The following MBOAT2 variants were observed in gnomAD, a reference collection of about 807,000 sequenced individuals.
MBOAT2 encodes membrane bound glycerophospholipid O-acyltransferase 2.
Under a neutral mutation model 63.4 loss-of-function variants are expected in MBOAT2, and 28 were observed. The ratio of observed to expected loss-of-function variants is 0.44; its 90% CI spans 0.33 to 0.61. The LOEUF (loss-of-function observed/expected upper bound fraction) is 0.61, where lower values mean the gene tolerates loss of function less well. Ranked by LOEUF, MBOAT2 falls within the 20% of genes least tolerant of loss-of-function variation. The probability of loss-of-function intolerance (pLI) is 0.03; values close to 1 mark genes in which losing one functional copy is unlikely to be tolerated. For synonymous variants in MBOAT2, 211 were observed against 215.6 expected (o/e 0.98, Z 0.19); for missense variants, 470 against 605.8 (o/e 0.78, Z 2.35).
At chr2:8,988,766 T>C (rs1332542721) in intron 1 of MBOAT2, among the ~76,000 whole-genome samples, 1 of 152,122 alleles carries the variant, frequency 6.6e-6, no homozygotes, top group Non-Finnish European at 1.5e-5. Context: ...ATTCTACACA[T>C]CCTGTGAGAA....
rs77126087 is a variant in MBOAT2, at chr2:8,932,666, G to T, written c.299+10521C>A. Among the ~76,000 whole-genome samples, 1,044 of 151,780 alleles carry T rather than the reference G, an allele frequency of 6.9e-3. 19 individuals carry two copies. The highest frequency in any genetic ancestry group is 0.024 in the African/African-American group (1,000 of 41,360). ...TTTGTGACCTTGATTTAATCTTCTGGAACCTCAGTGTCCCCATCTGTACAA... is the reference window on the plus strand; with the variant it reads ...TTTGTGACCTTGATTTAATCTTCTGTAACCTCAGTGTCCCCATCTGTACAA... On this transcript the variant is annotated intron_variant, in intron 3 of 12. Coordinates refer to ENST00000305997, the MANE Select transcript of MBOAT2 (RefSeq NM_138799.4).
intron 1 of MBOAT2, among the ~76,000 whole-genome samples, chr2:8,993,775 C>A (rs116420384): frequency 8.9e-4 from 135 of 152,322 alleles, no homozygotes; most frequent in African/African-American, 3.1e-3. Flanking sequence ...TACCCTGTGT[C>A]TTGTTCACCA....
intron 1 of MBOAT2, among the ~76,000 whole-genome samples, chr2:8,966,799 A>G (rs1455109839): frequency 2.0e-5 from 3 of 152,116 alleles, no homozygotes; most frequent in Non-Finnish European, 1.5e-5. Context: ...AAAATTCAGT[A>G]TTTTCTTACA....
intron 5 of MBOAT2, among the ~76,000 whole-genome samples, chr2:8,884,351 T>TA (rs923212439): frequency 2.1e-4 from 31 of 150,300 alleles, no homozygotes; most frequent in Middle Eastern, 6.8e-3. Context: ...AAAAAACACT[T>TA]AAAAAAAAAG....
intron 4 of MBOAT2, among the ~76,000 whole-genome samples, chr2:8,904,314 T>A (rs964944810): frequency 1.4e-4 from 20 of 141,064 alleles, no homozygotes; most frequent in African/African-American, 4.8e-4. Flanking sequence ...TTTTTATTTT[T>A]TATTTTTTTT....
At chr2:8,898,048 A>G (rs1664616334) in intron 4 of MBOAT2, among the ~76,000 whole-genome samples, 1 of 152,224 alleles carries the variant, frequency 6.6e-6, no homozygotes, top group Admixed American at 6.5e-5. Flanking sequence ...CAGTGAGGCC[A>G]ATCTTTTGCT....
At chr2:8,953,799 A>G (rs1324159321) in intron 2 of MBOAT2, among the ~76,000 whole-genome samples, 8 of 152,136 alleles carry the variant, frequency 5.3e-5, no homozygotes, top group Non-Finnish European at 1.0e-4. Context: ...TCTTTTACAG[A>G]TGTTTATCTC....
At chr2:8,999,891 T>G (rs1453394638) in intron 1 of MBOAT2, among the ~76,000 whole-genome samples, 2 of 152,234 alleles carry the variant, frequency 1.3e-5, no homozygotes, top group Admixed American at 6.5e-5. Flanking sequence ...TATGGCTACC[T>G]AAATTCCAAT....
chr2:8,910,186 AC>A (rs1040487896), intron 3 of MBOAT2, among the ~76,000 whole-genome samples: 1 of 152,132 alleles, frequency 6.6e-6, no homozygotes, highest in African/African-American at 2.4e-5. Flanking sequence ...GAGAGAAAGA[AC>A]AAGAGAGAAA....
Position 9,003,303 on chromosome 2 carries a change from G to C in MBOAT2, c.75+237C>G, listed in dbSNP as rs1198797605. Among the ~76,000 whole-genome samples the C allele has an allele frequency of 6.6e-6, 1 of 152,094 alleles. No individual in the cohort carries two copies. The highest frequency in any genetic ancestry group is 1.5e-5 in the Non-Finnish European group (1 of 67,964). On this transcript the variant is annotated intron_variant, in intron 1 of 12. Coordinates refer to ENST00000305997, the MANE Select transcript of MBOAT2 (RefSeq NM_138799.4). The surrounding 1 kb of genome is among the most constrained non-coding windows in gnomAD (Gnocchi z 5.4). ...CCCGGGGGCTGTCGCCGGCAACAAC[G>C]CCCGGCCCACCTCCCGCTCGGCCCG... is the stretch of plus-strand genomic sequence containing the variant.
At chr2:8,905,268 G>C (rs986714770) in intron 4 of MBOAT2, among the ~76,000 whole-genome samples, 7 of 151,868 alleles carry the variant, frequency 4.6e-5, no homozygotes, top group Admixed American at 1.3e-4. Context: ...CACATTCAAG[G>C]GTTCCCTGTG....
intron 6 of MBOAT2, among the ~76,000 whole-genome samples, chr2:8,878,283 A>G (rs892320633): frequency 2.0e-5 from 3 of 152,182 alleles, no homozygotes; most frequent in African/African-American, 7.2e-5. Context: ...TAGACTATTT[A>G]TGTTACCATA....
chr2:8,929,351 T>G (rs574173824), intron 3 of MBOAT2, among the ~76,000 whole-genome samples: 22 of 152,258 alleles, frequency 1.4e-4, no homozygotes, highest in African/African-American at 4.1e-4. Context: ...CATTCATTCA[T>G]TCATTCATTC....
chr2:8,960,923 T>C (rs1384292188), intron 1 of MBOAT2, among the ~76,000 whole-genome samples: 1 of 152,144 alleles, frequency 6.6e-6, no homozygotes, highest in Admixed American at 6.5e-5. Flanking sequence ...AGGAAGCACT[T>C]GGACATGAAA....
chr2:8,860,936 G>A (rs563654026), intron 11 of MBOAT2, 172 bp from the exon 12 acceptor site: 20 of 533,746 alleles, frequency 3.7e-5, no homozygotes, highest in South Asian at 3.3e-4. Context: ...CTAAAAAAGC[G>A]AATACACATT....
rs80046608 is a variant in MBOAT2, at chr2:8,956,694, C to G, written c.221+1803G>C. On this transcript the variant is annotated intron_variant, in intron 2 of 12. Transcript: ENST00000305997. The stretch of plus-strand genomic sequence containing the variant: ...CATGGGCAACAAAGTGAGACCTTGT[C>G]TTAAAAAATTGAAAAAATAAGAAAT... Among the ~76,000 whole-genome samples the G allele has an allele frequency of 3.9e-5, 6 of 152,228 alleles. No individual in the cohort carries two copies. In the East Asian group the frequency reaches 1.2e-3, roughly 29 times the overall value.
At chr2:8,883,263 A>C (rs1012698782) in intron 5 of MBOAT2, among the ~76,000 whole-genome samples, 34 of 152,304 alleles carry the variant, frequency 2.2e-4, no homozygotes, top group African/African-American at 8.2e-4. Context: ...CAGTGAAATA[A>C]ATAGACAAAA....
intron 3 of MBOAT2, among the ~76,000 whole-genome samples, chr2:8,912,947 A>G (rs1665899900): frequency 6.6e-6 from 1 of 152,232 alleles, no homozygotes; most frequent in Non-Finnish European, 1.5e-5. Context: ...AAACTATACT[A>G]TAAGGCCATA....
intron 12 of MBOAT2, among the ~76,000 whole-genome samples, chr2:8,859,241 T>G (rs558789495): frequency 6.6e-6 from 1 of 152,304 alleles, no homozygotes; most frequent in South Asian, 2.1e-4. Flanking sequence ...CCAATCCAGA[T>G]AATCAAAAGT....
Sources: allele counts gnomAD v4.1 joint callset (sites outside exome capture counted in the v4.1 genomes callset), GRCh38; gene constraint gnomAD v4.1.1; non-coding constraint Gnocchi (gnomAD v3.1); transcripts MANE v1.5; gene names NCBI Gene and HGNC (gene_info 2026-07-23, HGNC 2026-07-21).